Variants in PTPRS observed in about 807,000 individuals in gnomAD.
PTPRS encodes the protein receptor-type tyrosine-protein phosphatase S.
A neutral mutation model predicts 215.3 loss-of-function variants in PTPRS; 63 were observed. The ratio of observed to expected loss-of-function variants is 0.29; its 90% CI spans 0.24 to 0.36. The LOEUF (loss-of-function observed/expected upper bound fraction) is 0.36. Ranked by LOEUF, PTPRS falls within the 10% of genes least tolerant of loss-of-function variation. The probability of loss-of-function intolerance (pLI) is 1.00; values close to 1 mark genes in which losing one functional copy is unlikely to be tolerated. For missense variants in PTPRS, 2,258 were observed against 2,825.8 expected (o/e 0.80, Z 4.56); for synonymous variants, 1,404 against 1,191.4 (o/e 1.18, Z -3.68).
chr19:5,231,563 G>GT lies in PTPRS; in HGVS notation c.1901_1902insA (p.Ile635HisfsTer154). 1 of 1,606,074 alleles carries GT rather than the reference G, an allele frequency of 6.2e-7. No homozygotes were observed. The highest frequency in any genetic ancestry group is 8.5e-7 in the Non-Finnish European group (1 of 1,178,622). ...GCGGCGGGCGCCAACTTACCAAAAT[G>GT]GCCGTGGAGCGCACGCTGACACATT... On this transcript the variant is annotated frameshift_variant, in exon 14 of 38. Transcript: ENST00000262963. LOFTEE classifies it high-confidence loss of function.
chr19:5,207,059 G>A (rs960960705), intron 37 of PTPRS, among the ~76,000 whole-genome samples: 14 of 152,178 alleles, frequency 9.2e-5, no homozygotes, highest in African/African-American at 3.4e-4. Flanking sequence ...CTCTCCTCCC[G>A]TCTGCCTGGA....
chr19:5,244,331 C>T lies in PTPRS; in HGVS notation c.1140G>A (p.Glu380=). Residue 380 remains glutamate (E), a synonymous_variant, in exon 11 of 38, where the codon GAG becomes GAA. Coordinates refer to ENST00000262963, the MANE Select transcript of PTPRS (RefSeq NM_002850.4). The surrounding 1 kb of genome is among the most constrained non-coding windows in gnomAD (Gnocchi z 7.2). The stretch of plus-strand genomic sequence containing the variant: ...TGCTGTAACGTGTGGTGGTGATGTC[C>T]TCTTTAATCTGATACGGCCCGTCTT... ...KSQDGPYQIK[E]DITTTRYSIG... is the part of the protein sequence containing the mutation. The T allele has an allele frequency of 6.2e-7, 1 of 1,614,244 alleles. No individual in the cohort carries two copies. The highest frequency in any genetic ancestry group is 1.7e-5 in the Admixed American group (1 of 60,026).
intron 7 of PTPRS, among the ~76,000 whole-genome samples, chr19:5,260,461 T>C (rs148590316): frequency 0.026 from 4,003 of 152,266 alleles, 201 homozygotes; most frequent in African/African-American, 0.091. Flanking sequence ...ATTACAGGCG[T>C]GAACCACCGC....
rs1207494454 is a variant in PTPRS at position 5,244,979 on chromosome 19, TTTTC to T, written c.989-501_989-498del. ...CACCGCACCCGGCCTTTTTTTTCTT[TTTTC>T]TTTTTTTTTTTTTTTAGACGGAGCC... On this transcript the variant is annotated intron_variant, in intron 10 of 37. Coordinates refer to ENST00000262963, the MANE Select transcript of PTPRS (RefSeq NM_002850.4). The surrounding 1 kb of genome is among the most constrained non-coding windows in gnomAD (Gnocchi z 7.2). Among the ~76,000 whole-genome samples the T allele has an allele frequency of 4.8e-5, 7 of 145,376 alleles. No individual in the cohort carries two copies. The highest frequency in any genetic ancestry group is 1.9e-4 in the African/African-American group (7 of 37,302).
intron 1 of PTPRS, among the ~76,000 whole-genome samples, chr19:5,306,601 C>G (rs376021069): frequency 2.6e-5 from 4 of 152,166 alleles, no homozygotes; most frequent in African/African-American, 9.7e-5. Flanking sequence ...GTTTATCACC[C>G]AATTCCCTGT....
chr19:5,245,626 C>A, intron 10 of PTPRS, 150 bp downstream of exon 10: 1 of 1,235,052 alleles, frequency 8.1e-7, no homozygotes, highest in Non-Finnish European at 1.1e-6. Context: ...AATACCTGTT[C>A]AAAGAACAAC....
Position 5,212,237 on chromosome 19 carries a change from G to A in PTPRS, c.4783C>T (p.Arg1595Cys), listed in dbSNP as rs776677741. 9.3e-6 allele frequency: 15 copies of A among 1,610,628 alleles called. No homozygotes were observed. The highest frequency in any genetic ancestry group is 3.3e-5 in the South Asian group (3 of 91,056). The change falls in exon 32 of 38, where the codon CGC becomes TGC. Residue 1595 changes from arginine to cysteine, a missense_variant. By Grantham distance (180) the Arg-to-Cys change is radical. Transcript: ENST00000262963. ...TCGATGACGATAAAGCAGCCTGTGCGGCCCACACCGGCACTGCAGGGACAG... is the reference window on the plus strand; with the variant it reads ...TCGATGACGATAAAGCAGCCTGTGCAGCCCACACCGGCACTGCAGGGACAG... ...IVVHCSAGVG[R>C]TGCFIVIDAM... is the part of the protein sequence containing the mutation.
intron 1 of PTPRS, among the ~76,000 whole-genome samples, chr19:5,316,027 C>T (rs1600108132): frequency 6.6e-6 from 1 of 152,052 alleles, no homozygotes; most frequent in Non-Finnish European, 1.5e-5. Flanking sequence ...AGCGATCCCT[C>T]CCACCTCAGC....
intron 9 of PTPRS, among the ~76,000 whole-genome samples, chr19:5,248,725 C>G (rs1305614327): frequency 3.3e-5 from 5 of 152,240 alleles, no homozygotes; most frequent in African/African-American, 1.2e-4. Flanking sequence ...TCCTCAAGGT[C>G]TCTGAATCCC....
At chr19:5,219,602 G>T in intron 22 of PTPRS, 135 bp from the exon 23 acceptor site, 2 of 1,152,240 alleles carry the variant, frequency 1.7e-6, no homozygotes, top group Non-Finnish European at 1.2e-6. Context: ...GACCCTGGTG[G>T]CCTATGTGAC....
At chr19:5,311,004 C>T (rs539529347) in intron 1 of PTPRS, among the ~76,000 whole-genome samples, 4 of 152,220 alleles carry the variant, frequency 2.6e-5, no homozygotes, top group East Asian at 1.9e-4. Flanking sequence ...CTCAGCCTCC[C>T]GAGTAGCTGG....
intron 1 of PTPRS, among the ~76,000 whole-genome samples, chr19:5,311,659 A>G (rs983819445): frequency 7.9e-5 from 12 of 152,172 alleles, no homozygotes; most frequent in African/African-American, 2.9e-4. Flanking sequence ...TGTTCAGGGG[A>G]GACCCGAGCT....
intron 31 of PTPRS, 27 bp from the exon 32 acceptor site, chr19:5,212,277 G>GGGGCTGCT (rs1191247169): frequency 6.2e-7 from 1 of 1,608,636 alleles, no homozygotes; most frequent in Non-Finnish European, 8.5e-7. Context: ...GTGGCGTTCA[G>GGGGCTGCT]GGGCTGCTGG....
intron 14 of PTPRS, among the ~76,000 whole-genome samples, 155 bp from the exon 15 acceptor site, chr19:5,229,839 G>A (rs2042868457): frequency 6.6e-6 from 1 of 152,044 alleles, no homozygotes; most frequent in African/African-American, 2.4e-5. Flanking sequence ...GGGAGGACAT[G>A]GCCTCCTGCA....
intron 2 of PTPRS, among the ~76,000 whole-genome samples, chr19:5,280,500 C>T (rs1161170099): frequency 6.6e-6 from 1 of 151,736 alleles, no homozygotes; most frequent in Non-Finnish European, 1.5e-5. Context: ...GGATGGATTA[C>T]CTGAGGTCAG....
At position 5,265,170 on chromosome 19, in the gene PTPRS, T is replaced by A; in HGVS notation, c.406A>T (p.Asn136Tyr). The change falls in exon 5 of 38, where the codon AAC becomes TAC. Residue 136 changes from asparagine to tyrosine, a missense_variant. Coordinates refer to ENST00000262963, the MANE Select transcript of PTPRS (RefSeq NM_002850.4). ...TTCAACTGTGGGCCCATGTCGATGT[T>A]GGGGAAGCCAGAGGGCAGCTGGTCC... is the stretch of plus-strand genomic sequence containing the variant. ...REDQLPSGFP[N>Y]IDMGPQLKVV... The A allele has an allele frequency of 1.2e-6, 2 of 1,613,736 alleles. No homozygotes were observed. The highest frequency in any genetic ancestry group is 1.7e-5 in the Admixed American group (1 of 59,964).
At position 5,265,171 on chromosome 19, in the gene PTPRS, G is replaced by C; in HGVS notation, c.405C>G (p.Pro135=). The C allele has an allele frequency of 6.2e-7, 1 of 1,613,800 alleles. No individual in the cohort carries two copies. The highest frequency in any genetic ancestry group is 8.5e-7 in the Non-Finnish European group (1 of 1,179,868). ...TCAACTGTGGGCCCATGTCGATGTT[G>C]GGGAAGCCAGAGGGCAGCTGGTCCT... is the stretch of plus-strand genomic sequence containing the variant. ...LREDQLPSGF[P]NIDMGPQLKV... Residue 135 remains proline (P), a synonymous_variant, in exon 5 of 38, where the codon CCC becomes CCG. Coordinates refer to ENST00000262963, the MANE Select transcript of PTPRS (RefSeq NM_002850.4).
At chr19:5,248,499 G>A (rs942172444) in intron 9 of PTPRS, among the ~76,000 whole-genome samples, 3 of 152,030 alleles carry the variant, frequency 2.0e-5, no homozygotes, top group Admixed American at 6.5e-5. Context: ...CACAGGATCC[G>A]GCCTCCCCAT....
chr19:5,279,595 T>A (rs1205290180), intron 2 of PTPRS, among the ~76,000 whole-genome samples: 5 of 152,158 alleles, frequency 3.3e-5, no homozygotes, highest in African/African-American at 7.2e-5. Context: ...GGTCTGGAAC[T>A]CCTGGGCTCA....
Sources: gnomAD v4.1 joint callset for allele counts (sites outside exome capture counted in the v4.1 genomes callset) on GRCh38, gnomAD v4.1.1 for gene constraint, Gnocchi (gnomAD v3.1) non-coding constraint, MANE v1.5 for transcripts, NCBI Gene and HGNC (gene_info 2026-07-23, HGNC 2026-07-21) for gene names.